ZNHIT6: variants seen among roughly 807,000 people sequenced by gnomAD.
The protein encoded by ZNHIT6 is zinc finger HIT-type containing 6.
ZNHIT6 carries 45 observed loss-of-function variants against 57.2 expected under a neutral mutation model. That is an observed-to-expected ratio of 0.79 (90% CI 0.62 to 1.01). The LOEUF (loss-of-function observed/expected upper bound fraction) is 1.01. ZNHIT6 is among the 50% of genes least tolerant of loss of function. ZNHIT6 has a pLI of 0.00. For missense variants in ZNHIT6, 528 were observed against 567.3 expected, an observed-to-expected ratio of 0.93 and a Z score of 0.70; for synonymous variants, 188 against 190.0, an observed-to-expected ratio of 0.99 and a Z score of 0.09.
chr1:85,703,978 C>T (rs752382932), intron 4 of ZNHIT6, among the ~76,000 whole-genome samples: 5 of 152,084 alleles, frequency 3.3e-5, no homozygotes, highest in African/African-American at 4.8e-5. Flanking sequence ...TGAACAGGCA[C>T]TGCATAAAAG....
Position 85,649,816 on chromosome 1 carries a change from A to C in ZNHIT6, c.*4242T>G, listed in dbSNP as rs752253073. The C allele has an allele frequency of 2.6e-5, 4 of 152,178 alleles. No homozygotes were observed. The highest frequency in any genetic ancestry group is 6.5e-5 in the Admixed American group (1 of 15,284). The allele number at this position is 152,178 out of a possible 1,614,324, so 9.4% of individuals were successfully genotyped here. On this transcript the variant is annotated 3_prime_UTR_variant, in exon 10 of 10. Coordinates refer to ENST00000370574, the MANE Select transcript of ZNHIT6 (RefSeq NM_017953.4). ...AAACATATGCTATGTGCATCTGCTC[A>C]AACTAGCAACAACATGATGTCAAAT...
intron 5 of ZNHIT6, among the ~76,000 whole-genome samples, chr1:85,701,350 G>A (rs1274001067): frequency 6.6e-6 from 1 of 152,174 alleles, no homozygotes; most frequent in East Asian, 1.9e-4. Flanking sequence ...TTACTAAGAG[G>A]CTGAAAAGGG....
At chr1:85,670,471 G>T (rs1298973307) in intron 8 of ZNHIT6, among the ~76,000 whole-genome samples, 1 of 151,988 alleles carries the variant, frequency 6.6e-6, no homozygotes, top group African/African-American at 2.4e-5. Context: ...TAATGAATTA[G>T]CACACTGATT....
intron 5 of ZNHIT6, among the ~76,000 whole-genome samples, 165 bp from the exon 6 acceptor site, chr1:85,681,069 GA>G (rs919233802): frequency 5.0e-4 from 76 of 151,694 alleles, no homozygotes; most frequent in African/African-American, 1.7e-3. Context: ...TATTAAGAAA[GA>G]AAAAAAAGGG....
chr1:85,677,178 TTAATTA>T (rs1357182039), intron 8 of ZNHIT6, 52 bp downstream of exon 8: 5 of 1,330,220 alleles, frequency 3.8e-6, no homozygotes, highest in Non-Finnish European at 5.2e-6. Context: ...ATCAAGCTAC[TTAATTA>T]TATTACAGAA....
At chr1:85,685,197 C>T (rs1437118643) in intron 5 of ZNHIT6, among the ~76,000 whole-genome samples, 2 of 151,672 alleles carry the variant, frequency 1.3e-5, no homozygotes, top group African/African-American at 4.8e-5. Flanking sequence ...GAAATGTATC[C>T]CAAGGAAATA....
intron 8 of ZNHIT6, among the ~76,000 whole-genome samples, chr1:85,658,758 C>A (rs956880849): frequency 1.3e-5 from 2 of 151,898 alleles, no homozygotes; most frequent in African/African-American, 4.8e-5. Flanking sequence ...GTAATCACAG[C>A]TACTCGGGAG....
At chr1:85,701,495 C>T (rs985995421) in intron 5 of ZNHIT6, among the ~76,000 whole-genome samples, 1 of 152,162 alleles carries the variant, frequency 6.6e-6, no homozygotes, top group African/African-American at 2.4e-5. Context: ...CCTTTTCAAC[C>T]CAACATTTTC....
At chr1:85,657,154 A>C (rs1661082963) in intron 9 of ZNHIT6, among the ~76,000 whole-genome samples, 1 of 152,144 alleles carries the variant, frequency 6.6e-6, no homozygotes, top group Non-Finnish European at 1.5e-5. Context: ...ATTCAGAAGC[A>C]CAGTTAGTTT....
At chr1:85,689,786 T>G (rs1662166775) in intron 5 of ZNHIT6, among the ~76,000 whole-genome samples, 1 of 152,148 alleles carries the variant, frequency 6.6e-6, no homozygotes, top group Admixed American at 6.5e-5. Flanking sequence ...TAGGGAGCAC[T>G]TGAGGATTTA....
At chr1:85,687,300 A>AAAAAAAAAAAC (rs1662084596) in intron 5 of ZNHIT6, among the ~76,000 whole-genome samples, 1 of 130,184 alleles carries the variant, frequency 7.7e-6, no homozygotes, top group East Asian at 2.6e-4. Context: ...AAAAAAAAAC[A>AAAAAAAAAAAC]AAAAAAAAAA....
intron 9 of ZNHIT6, among the ~76,000 whole-genome samples, chr1:85,657,457 A>G (rs569650977): frequency 4.4e-4 from 67 of 150,898 alleles, no homozygotes; most frequent in Non-Finnish European, 8.0e-4. Flanking sequence ...TTCATTGTCA[A>G]CTAAAAATGT....
intron 5 of ZNHIT6, among the ~76,000 whole-genome samples, chr1:85,691,789 C>T (rs1425628217): frequency 6.6e-6 from 1 of 151,852 alleles, no homozygotes; most frequent in African/African-American, 2.4e-5. Context: ...GAGAGGCGGA[C>T]GCACAAGAAT....
chr1:85,697,997 T>C (rs1277769190), intron 5 of ZNHIT6, among the ~76,000 whole-genome samples: 1 of 152,192 alleles, frequency 6.6e-6, no homozygotes, highest in Non-Finnish European at 1.5e-5. Context: ...AAAAAGCCAC[T>C]ATTTTAAAGT....
intron 5 of ZNHIT6, among the ~76,000 whole-genome samples, chr1:85,693,662 T>C (rs1342765727): frequency 6.6e-6 from 1 of 152,088 alleles, no homozygotes; most frequent in Non-Finnish European, 1.5e-5. Flanking sequence ...AAAGACAATA[T>C]TGAATATTTT....
intron 8 of ZNHIT6, among the ~76,000 whole-genome samples, chr1:85,671,466 A>AT (rs546617696): frequency 0.026 from 3,864 of 149,584 alleles, 168 homozygotes; most frequent in African/African-American, 0.088. Context: ...TAAAAAAAAA[A>AT]TTTTTTTTTT....
chr1:85,663,991 T>C (rs821386), intron 8 of ZNHIT6, among the ~76,000 whole-genome samples: 60,671 of 151,962 alleles, frequency 0.4, 13,410 homozygotes, highest in South Asian at 0.57. Flanking sequence ...ATTCTTTCTT[T>C]CATTTCGACC....
intron 5 of ZNHIT6, among the ~76,000 whole-genome samples, chr1:85,688,694 G>A (rs1320795137): frequency 1.3e-5 from 2 of 152,108 alleles, no homozygotes; most frequent in African/African-American, 2.4e-5. Flanking sequence ...GGCAGATTAC[G>A]TAGGCAGCCT....
chr1:85,655,915 C>A (rs1661046556), intron 9 of ZNHIT6, among the ~76,000 whole-genome samples: 1 of 152,150 alleles, frequency 6.6e-6, no homozygotes, highest in Non-Finnish European at 1.5e-5. Context: ...ATTAGAACAA[C>A]CATCAGGTGT....
Sources: gnomAD v4.1 joint callset for allele counts (sites outside exome capture counted in the v4.1 genomes callset) on GRCh38, gnomAD v4.1.1 for gene constraint, MANE v1.5 for transcripts, NCBI Gene and HGNC (gene_info 2026-07-23, HGNC 2026-07-21) for gene names.